IL2RB: variants seen among roughly 807,000 people sequenced by gnomAD.
IL2RB encodes the protein interleukin 2 receptor subunit beta, also known as interleukin-2 receptor subunit beta.
A neutral mutation model predicts 44.2 loss-of-function variants in IL2RB; 17 were observed. The observed-to-expected ratio is 0.38, with a 90% confidence interval of 0.26 to 0.58. The LOEUF (loss-of-function observed/expected upper bound fraction) is 0.58, where lower values mean the gene tolerates loss of function less well. IL2RB is among the 20% of genes least tolerant of loss of function. The probability of loss-of-function intolerance (pLI) is 0.63; values close to 1 mark genes in which losing one functional copy is unlikely to be tolerated. For synonymous variants in IL2RB, 286 were observed against 297.9 expected (o/e 0.96, Z 0.41); for missense variants, 624 against 685.5 (o/e 0.91, Z 1.00).
At chr22:37,140,539 T>C (rs760868863) in intron 4 of IL2RB, among the ~76,000 whole-genome samples, 1 of 151,880 alleles carries the variant, frequency 6.6e-6, no homozygotes, top group Non-Finnish European at 1.5e-5. Flanking sequence ...TAAGAAATGG[T>C]GGAGCCAGGA....
intron 1 of IL2RB, among the ~76,000 whole-genome samples, chr22:37,173,257 G>A (rs1248240540): frequency 6.6e-6 from 1 of 152,074 alleles, no homozygotes; most frequent in Non-Finnish European, 1.5e-5. Flanking sequence ...TCCCTTGCCA[G>A]CACTTACCCC....
Position 37,135,344 on chromosome 22 carries a change from T to C in IL2RB, c.802A>G (p.Arg268Gly). The C allele has an allele frequency of 6.2e-7, 1 of 1,613,588 alleles. No individual in the cohort carries two copies. Among genetic ancestry groups the C allele is most frequent in the Non-Finnish European group, 8.5e-7 (1 of 1,179,542 alleles). The part of the protein sequence containing the change: ...IILVYLLINC[R>G]NTGPWLKKVL... ...CCTTCTTACCATGGCCCGGTGTTCC[T>C]GCAGTTGATCAGCAAGTACACTAAG... The change falls in exon 8 of 10, where the codon AGG (arginine) becomes GGG (glycine). Residue 268 changes from arginine to glycine, a missense_variant. This residue lies in a region of IL2RB where 255 missense variants were observed against 339.9 expected (regional missense o/e 0.75). Transcript: ENST00000216223.
At chr22:37,148,158 G>A (rs746719440) in intron 1 of IL2RB, among the ~76,000 whole-genome samples, 3 of 152,174 alleles carry the variant, frequency 2.0e-5, no homozygotes, top group Non-Finnish European at 2.9e-5. Context: ...AGCGCCATCT[G>A]GAGTCTGCTT....
chr22:37,154,024 T>C (rs1922585772), upstream of IL2RB, among the ~76,000 whole-genome samples: 1 of 152,196 alleles, frequency 6.6e-6, no homozygotes. Flanking sequence ...GCACCCCAGA[T>C]GCCCCAAAGA....
chr22:37,163,493 G>GAA (rs1242813500), intron 1 of IL2RB, among the ~76,000 whole-genome samples: 1 of 152,194 alleles, frequency 6.6e-6, no homozygotes, highest in African/African-American at 2.4e-5. Context: ...GAGCAAGCAG[G>GAA]AACCAAAGAT....
intron 7 of IL2RB, among the ~76,000 whole-genome samples, chr22:37,135,692 C>T (rs1921653661): frequency 6.6e-6 from 1 of 152,054 alleles, no homozygotes; most frequent in African/African-American, 2.4e-5. Flanking sequence ...GGTGAGCCTA[C>T]AGCCCCCCAC....
chr22:37,162,320 G>A (rs769626418), intron 1 of IL2RB, among the ~76,000 whole-genome samples: 8 of 152,218 alleles, frequency 5.3e-5, no homozygotes, highest in Middle Eastern at 6.8e-3. Flanking sequence ...CAGTACGGGA[G>A]GTCTTTGATA....
In IL2RB at chr22:37,141,467, C is replaced by T. The variant is rs953333997; in HGVS notation, c.282+967G>A. Among the ~76,000 whole-genome samples the T allele has an allele frequency of 9.2e-5, 14 of 152,104 alleles. 1 individual carries two copies. Among genetic ancestry groups the T allele is most frequent in the East Asian group, 1.9e-4 (1 of 5,182 alleles). ...GATCCTGGAGGCACAGTCGGGGCTACGCACTCTGTGGATCCAGTGTGAGTC... is the reference window on the plus strand; with the variant it reads ...GATCCTGGAGGCACAGTCGGGGCTATGCACTCTGTGGATCCAGTGTGAGTC... On this transcript the variant is annotated intron_variant, in intron 4 of 9. Transcript: ENST00000216223. This position sits in a 1 kb window ranked among gnomAD's most constrained non-coding sequence, Gnocchi z 4.4.
chr22:37,154,260 A>G (rs943125726), upstream of IL2RB, among the ~76,000 whole-genome samples: 3 of 152,178 alleles, frequency 2.0e-5, no homozygotes, highest in Non-Finnish European at 4.4e-5. Flanking sequence ...AGCCCAGAAC[A>G]CCTCAGATGG....
At chr22:37,167,483 A>T (rs1029965317) in intron 1 of IL2RB, among the ~76,000 whole-genome samples, 2 of 152,226 alleles carry the variant, frequency 1.3e-5, no homozygotes, top group Non-Finnish European at 2.9e-5. Context: ...CGCCATGGAA[A>T]GCCCAGGCCT....
chr22:37,143,551 G>T lies in IL2RB; in HGVS notation c.173C>A (p.Ser58Tyr), dbSNP rs1922069074. 6.2e-7 allele frequency: 1 copy of T among 1,613,914 alleles called. No individual in the cohort carries two copies. Among genetic ancestry groups the T allele is most frequent in the African/African-American group, 1.3e-5 (1 of 75,050 alleles). ...GTCCGGCCAGGCATGGACTTGGCAG[G>T]AAGTGTCCTGCAGAGCCCCATCTTG... The part of the protein sequence containing the change: ...WSQDGALQDT[S>Y]CQVHAWPDRR... The change falls in exon 3 of 10, where the codon TCC (serine) becomes TAC (tyrosine). Residue 58 changes from serine to tyrosine, a missense_variant. By Grantham distance (144) the Ser-to-Tyr change is moderately radical. Around this residue, in one of 3 missense-constraint regions of IL2RB, gnomAD observed 78 missense variants for 70.0 expected, o/e 1.11. Transcript: ENST00000216223.
At chr22:37,156,118 C>T (rs532681380) in intron 1 of IL2RB, among the ~76,000 whole-genome samples, 171 of 152,332 alleles carry the variant, frequency 1.1e-3, no homozygotes, top group African/African-American at 3.8e-3. Flanking sequence ...CTCTCCACTC[C>T]GCCTCCCAGG....
chr22:37,160,571 G>A (rs987093781), intron 1 of IL2RB, among the ~76,000 whole-genome samples: 4 of 151,836 alleles, frequency 2.6e-5, no homozygotes, highest in Non-Finnish European at 5.9e-5. Flanking sequence ...ATTTGCAAAA[G>A]AAGCTAAAAT....
chr22:37,170,411 A>G (rs1923239011), intron 1 of IL2RB, among the ~76,000 whole-genome samples: 1 of 114,092 alleles, frequency 8.8e-6, no homozygotes, highest in Non-Finnish European at 2.1e-5. Flanking sequence ...ACAGGGATGG[A>G]CAAGCTAGGC....
chr22:37,137,681 C>T lies in IL2RB; in HGVS notation c.443G>A (p.Cys148Tyr), dbSNP rs1921774867. 1 of 1,614,124 alleles carries T rather than the reference C, an allele frequency of 6.2e-7. No homozygotes were observed. The highest frequency in any genetic ancestry group is 8.5e-7 in the Non-Finnish European group (1 of 1,179,958). The stretch of plus-strand genomic sequence containing the variant: ...TTGGGAGATTTCCCAGCTTATGTTG[C>T]ATCTGTGGGTCTCCACGTGGACAAC... ...LQVVHVETHR[C>Y]NISWEISQAS... Residue 148 changes from cysteine to tyrosine, a missense_variant, in exon 6 of 10, where the codon TGC becomes TAC. Transcript: ENST00000216223.
At chr22:37,135,574 G>A in intron 7 of IL2RB, 132 bp from the exon 8 acceptor site, 1 of 617,656 alleles carries the variant, frequency 1.6e-6, no homozygotes, top group East Asian at 2.7e-5. Flanking sequence ...TGGGGACAGG[G>A]TTCTGCTAAG....
chr22:37,162,268 C>T (rs2145737469), intron 1 of IL2RB, among the ~76,000 whole-genome samples: 1 of 152,296 alleles, frequency 6.6e-6, no homozygotes, highest in South Asian at 2.1e-4. Context: ...CAGTGTTGTA[C>T]CACAGGCCCT....
intron 8 of IL2RB, among the ~76,000 whole-genome samples, chr22:37,132,717 A>G (rs950432194): frequency 2.0e-5 from 3 of 152,240 alleles, no homozygotes; most frequent in African/African-American, 7.2e-5. Context: ...GACACAAAGC[A>G]TGTTGCAACA....
intron 4 of IL2RB, among the ~76,000 whole-genome samples, chr22:37,142,013 G>T (rs1311588805): frequency 6.6e-6 from 1 of 152,050 alleles, no homozygotes; most frequent in African/African-American, 2.4e-5. Context: ...CAGCTGGTGA[G>T]CCAGGGCTGG....
Sources: allele counts gnomAD v4.1 joint callset (sites outside exome capture counted in the v4.1 genomes callset), GRCh38; gene constraint gnomAD v4.1.1; regional missense constraint gnomAD v4.1.1; non-coding constraint Gnocchi (gnomAD v3.1); transcripts MANE v1.5; gene names NCBI Gene and HGNC (gene_info 2026-07-23, HGNC 2026-07-21).